The following SLC9A9 variants were observed in gnomAD, a reference collection of about 807,000 sequenced individuals.
The protein encoded by SLC9A9 is solute carrier family 9 member A9.
In SLC9A9, 62 loss-of-function variants were observed where a neutral mutation model predicts 77.8. The ratio of observed to expected loss-of-function variants is 0.80; its 90% CI spans 0.65 to 0.98. The LOEUF is 0.98. Ranked by LOEUF, SLC9A9 falls within the 50% of genes least tolerant of loss-of-function variation. The pLI is 0.00. For missense variants in SLC9A9, 775 were observed against 774.9 expected (o/e 1.00, Z 0.00); for synonymous variants, 320 against 283.5 (o/e 1.13, Z -1.29).
At chr3:143,516,240 CT>C (rs1001868796) in intron 9 of SLC9A9, among the ~76,000 whole-genome samples, 31 of 81,330 alleles carry the variant, frequency 3.8e-4, no homozygotes, top group African/African-American at 1.0e-3. Flanking sequence ...CTTATTTTTG[CT>C]CTCTCTCTGA....
chr3:143,844,795 C>T (rs561886315), intron 1 of SLC9A9, among the ~76,000 whole-genome samples: 4 of 146,394 alleles, frequency 2.7e-5, no homozygotes, highest in Admixed American at 7.0e-5. Flanking sequence ...CTTTCTGACA[C>T]AGTCTCACTC....
At chr3:143,803,397 TA>T (rs2008621171) in intron 2 of SLC9A9, among the ~76,000 whole-genome samples, 1 of 152,222 alleles carries the variant, frequency 6.6e-6, no homozygotes. Context: ...CCCCCAAAAC[TA>T]GTCATCCCTA....
intron 5 of SLC9A9, among the ~76,000 whole-genome samples, chr3:143,674,990 T>A (rs2039215398): frequency 6.6e-6 from 1 of 152,034 alleles, no homozygotes; most frequent in Non-Finnish European, 1.5e-5. Context: ...AGAAATGGGG[T>A]GTTGGACTTG....
intron 4 of SLC9A9, among the ~76,000 whole-genome samples, chr3:143,718,092 G>GA (rs142744329): frequency 0.43 from 62,199 of 146,294 alleles, 14,157 homozygotes; most frequent in South Asian, 0.55. Context: ...AGTTAAACAG[G>GA]AAAAAAAAAA....
At chr3:143,405,871 T>C (rs549468049) in intron 12 of SLC9A9, among the ~76,000 whole-genome samples, 6 of 152,370 alleles carry the variant, frequency 3.9e-5, no homozygotes, top group South Asian at 4.1e-4. Context: ...ATTGAATAGA[T>C]TTTCTTGAAC....
chr3:143,696,378 A>C (rs1933641128), intron 4 of SLC9A9, among the ~76,000 whole-genome samples: 1 of 152,202 alleles, frequency 6.6e-6, no homozygotes, highest in African/African-American at 2.4e-5. Context: ...TAAAGGCACA[A>C]ATTATATCAG....
intron 1 of SLC9A9, 79 bp from the exon 2 acceptor site, chr3:143,832,300 AC>A: frequency 7.8e-7 from 1 of 1,282,290 alleles, no homozygotes; most frequent in Admixed American, 1.9e-5. Flanking sequence ...ATGATTTGGA[AC>A]CTTCAGAAGT....
At chr3:143,449,985 T>C (rs190666536) in intron 12 of SLC9A9, among the ~76,000 whole-genome samples, 1 of 59,404 alleles carries the variant, frequency 1.7e-5, no homozygotes, top group Non-Finnish European at 2.6e-5. Context: ...ATATTATATG[T>C]ATATATACAT....
chr3:143,790,543 C>T (rs2008188682), intron 4 of SLC9A9, among the ~76,000 whole-genome samples: 1 of 152,166 alleles, frequency 6.6e-6, no homozygotes, highest in African/African-American at 2.4e-5. Flanking sequence ...CTGCAGGACA[C>T]ATAAAGTGTC....
chr3:143,524,502 A>G (rs1400406467), intron 9 of SLC9A9, among the ~76,000 whole-genome samples: 1 of 152,194 alleles, frequency 6.6e-6, no homozygotes, highest in Non-Finnish European at 1.5e-5. Context: ...TCTTTTTTAT[A>G]GGTCAATGGC....
chr3:143,714,402 G>A (rs1214420259), intron 4 of SLC9A9, among the ~76,000 whole-genome samples: 2 of 152,190 alleles, frequency 1.3e-5, no homozygotes, highest in South Asian at 2.1e-4. Flanking sequence ...CACCTTATGT[G>A]ATCCGGTGTT....
chr3:143,409,885 A>T (rs1375863613), intron 12 of SLC9A9, among the ~76,000 whole-genome samples: 2 of 152,356 alleles, frequency 1.3e-5, no homozygotes, highest in East Asian at 3.9e-4. Flanking sequence ...CTGCAGGAAC[A>T]GCAGGAGAAG....
At chr3:143,447,449 A>T (rs1010583471) in intron 12 of SLC9A9, among the ~76,000 whole-genome samples, 9 of 152,226 alleles carry the variant, frequency 5.9e-5, no homozygotes, top group African/African-American at 2.2e-4. Context: ...TTTCTCTCTG[A>T]AAACCATTGC....
chr3:143,637,592 G>C (rs2038545854), intron 6 of SLC9A9, among the ~76,000 whole-genome samples: 1 of 152,182 alleles, frequency 6.6e-6, no homozygotes, highest in East Asian at 1.9e-4. Context: ...TTGGGCTTTA[G>C]TTTTCTATAA....
At chr3:143,317,515 T>C (rs141869998) in intron 14 of SLC9A9, among the ~76,000 whole-genome samples, 2 of 152,342 alleles carry the variant, frequency 1.3e-5, no homozygotes, top group Non-Finnish European at 2.9e-5. Context: ...TTATGGGGGC[T>C]GAAAGATGAG....
chr3:143,421,107 A>T (rs1462252826), intron 12 of SLC9A9, among the ~76,000 whole-genome samples: 2 of 152,184 alleles, frequency 1.3e-5, no homozygotes, highest in African/African-American at 4.8e-5. Context: ...CTCTACAAGA[A>T]CTACAAAACA....
chr3:143,829,467 C>T (rs2009381671), intron 2 of SLC9A9, among the ~76,000 whole-genome samples: 1 of 152,078 alleles, frequency 6.6e-6, no homozygotes, highest in South Asian at 2.1e-4. Flanking sequence ...ACTGCCTACC[C>T]AAAGCCCTTC....
chr3:143,797,529 C>G (rs13084936), intron 2 of SLC9A9, among the ~76,000 whole-genome samples: 71,771 of 150,916 alleles, frequency 0.48, 17,344 homozygotes, highest in South Asian at 0.64. Context: ...GAAGAATCAC[C>G]AAAGAAGTGA....
At chr3:143,717,791 C>A (rs912749819) in intron 4 of SLC9A9, among the ~76,000 whole-genome samples, 1 of 152,084 alleles carries the variant, frequency 6.6e-6, no homozygotes, top group African/African-American at 2.4e-5. Context: ...GTAGTCAATG[C>A]AATTCTTCAT....
Sources: gnomAD v4.1 joint callset for allele counts (sites outside exome capture counted in the v4.1 genomes callset) on GRCh38, gnomAD v4.1.1 for gene constraint, MANE v1.5 for transcripts, NCBI Gene and HGNC (gene_info 2026-07-23, HGNC 2026-07-21) for gene names.